GALNT8: variants seen among roughly 807,000 people sequenced by gnomAD.
The protein encoded by GALNT8 is polypeptide N-acetylgalactosaminyltransferase 8, also known as probable polypeptide N-acetylgalactosaminyltransferase 8.
GALNT8 carries 66 observed loss-of-function variants against 62.7 expected under a neutral mutation model. That is an observed-to-expected ratio of 1.05 (90% CI 0.86 to 1.29). The LOEUF is 1.29. Ranked by LOEUF, GALNT8 falls within the 50% of genes most tolerant of loss-of-function variation. The probability of loss-of-function intolerance (pLI) is 0.00; values close to 1 mark genes in which losing one functional copy is unlikely to be tolerated. For synonymous variants in GALNT8, 288 were observed against 294.3 expected, an observed-to-expected ratio of 0.98 and a Z score of 0.22; for missense variants, 771 against 791.8, an observed-to-expected ratio of 0.97 and a Z score of 0.32.
At chr12:4,734,176 C>T (rs530412721) in intron 2 of GALNT8, among the ~76,000 whole-genome samples, 4 of 152,300 alleles carry the variant, frequency 2.6e-5, no homozygotes, top group Admixed American at 6.5e-5. Context: ...ACTACTGCTA[C>T]TAACCACCAC....
chr12:4,744,701 G>A lies in GALNT8; in HGVS notation c.860+1G>A. On this transcript the variant is annotated splice_donor_variant, in intron 4 of 10. Coordinates refer to ENST00000252318, the MANE Select transcript of GALNT8 (RefSeq NM_017417.2). LOFTEE classifies it high-confidence loss of function. ...CTCACATTGAAGTCAATGTTGGGTG[G>A]TAAGGCTCAAAGAGGCTAGTTCTTC... The A allele has an allele frequency of 6.2e-7, 1 of 1,605,164 alleles. No individual in the cohort carries two copies. The highest frequency in any genetic ancestry group is 8.5e-7 in the Non-Finnish European group (1 of 1,174,372).
Position 4,746,204 on chromosome 12 carries a change from T to C in GALNT8, c.1119T>C (p.Ser373=). Residue 373 remains serine (S), a synonymous_variant, in exon 6 of 11, where the codon TCT becomes TCC. Coordinates refer to ENST00000252318, the MANE Select transcript of GALNT8 (RefSeq NM_017417.2). ...GGCACTTCCTGGGAGAGATCGGGTC[T>C]CTGGATGGTGGAATGCTCATCTATG... is the stretch of plus-strand genomic sequence containing the variant. ...ANRHFLGEIG[S]LDGGMLIYGG... is the part of the protein sequence containing the mutation. 3 of 1,613,576 alleles carry C rather than the reference T, an allele frequency of 1.9e-6. No individual in the cohort carries two copies. In the South Asian group the frequency reaches 3.3e-5, roughly 18 times the overall value.
At chr12:4,767,683 T>A (rs1246373345) in intron 10 of GALNT8, among the ~76,000 whole-genome samples, 1 of 152,244 alleles carries the variant, frequency 6.6e-6, no homozygotes, top group Non-Finnish European at 1.5e-5. Flanking sequence ...AAGCACAGCA[T>A]GTCTGAGCAT....
intron 6 of GALNT8, among the ~76,000 whole-genome samples, chr12:4,756,747 C>A (rs1946346827): frequency 6.6e-6 from 1 of 152,168 alleles, no homozygotes; most frequent in Non-Finnish European, 1.5e-5. Flanking sequence ...CCAGTAAGGA[C>A]CCACTCAGGA....
At chr12:4,771,726 C>T (rs1022004997) in intron 10 of GALNT8, among the ~76,000 whole-genome samples, 2 of 151,912 alleles carry the variant, frequency 1.3e-5, no homozygotes, top group East Asian at 1.9e-4. Flanking sequence ...GGAGAGGGAA[C>T]GTGGGAGAGA....
intron 10 of GALNT8, chr12:4,768,443 C>A: frequency 2.7e-6 from 1 of 370,744 alleles, no homozygotes. Context: ...TGATAACAGC[C>A]TACCATTACT....
intron 8 of GALNT8, among the ~76,000 whole-genome samples, 175 bp downstream of exon 8, chr12:4,763,565 A>C (rs995142130): frequency 6.6e-6 from 1 of 151,314 alleles, no homozygotes; most frequent in Non-Finnish European, 1.5e-5. Context: ...CCCGATCCCC[A>C]TCTCTTTTCC....
intron 2 of GALNT8, among the ~76,000 whole-genome samples, chr12:4,738,726 A>G (rs1946256850): frequency 6.6e-6 from 1 of 152,134 alleles, no homozygotes; most frequent in African/African-American, 2.4e-5. Flanking sequence ...TGCCTACCAT[A>G]TGGTAAGCAT....
intron 6 of GALNT8, among the ~76,000 whole-genome samples, chr12:4,751,150 G>A (rs923887073): frequency 1.3e-5 from 2 of 152,222 alleles, no homozygotes; most frequent in Middle Eastern, 3.4e-3. Context: ...AAACTTAAAT[G>A]TAAAACTCAA....
intron 1 of GALNT8, among the ~76,000 whole-genome samples, chr12:4,721,289 A>G (rs559835368): frequency 6.6e-6 from 1 of 152,188 alleles, no homozygotes; most frequent in African/African-American, 2.4e-5. Context: ...GGAACGAGAG[A>G]CTTTGGAAGA....
At position 4,720,670 on chromosome 12, in the gene GALNT8, GGAA is replaced by G; in HGVS notation, c.-2_1del. 6.3e-7 allele frequency: 1 copy of G among 1,592,514 alleles called. No individual in the cohort carries two copies. The highest frequency in any genetic ancestry group is 2.2e-5 in the East Asian group (1 of 44,788). On this transcript the variant is annotated 5_prime_UTR_variant, in exon 1 of 11. Transcript: ENST00000252318. ...TCCCACAGGGAGTGGACGACCCCCA[GGAA>G]GAAGATGATGTTTTGGAGGAAACTC...
chr12:4,725,553 CTTT>C (rs747460695), intron 1 of GALNT8, among the ~76,000 whole-genome samples: 5 of 119,664 alleles, frequency 4.2e-5, no homozygotes, highest in Non-Finnish European at 3.4e-5. Flanking sequence ...TGAAGACATT[CTTT>C]TTTTTTTTTT....
chr12:4,765,323 G>A (rs1946394165), intron 9 of GALNT8, 56 bp from the exon 10 acceptor site: 3 of 1,444,918 alleles, frequency 2.1e-6, no homozygotes, highest in Non-Finnish European at 2.7e-6. Context: ...GTCTCCTGCT[G>A]GCTGACAATG....
intron 1 of GALNT8, among the ~76,000 whole-genome samples, chr12:4,723,920 G>A (rs1474398460): frequency 6.6e-6 from 1 of 151,968 alleles, no homozygotes; most frequent in Non-Finnish European, 1.5e-5. Flanking sequence ...GAAGGCCGAG[G>A]CGGGTGGATC....
intron 6 of GALNT8, among the ~76,000 whole-genome samples, chr12:4,748,893 A>G (rs1294533036): frequency 1.3e-5 from 2 of 152,194 alleles, no homozygotes; most frequent in African/African-American, 4.8e-5. Flanking sequence ...AATGTTTTTC[A>G]TCAGGGTTTT....
At chr12:4,747,816 T>TA (rs1373965180) in intron 6 of GALNT8, among the ~76,000 whole-genome samples, 1 of 152,166 alleles carries the variant, frequency 6.6e-6, no homozygotes, top group Non-Finnish European at 1.5e-5. Context: ...ATAGTGGTTG[T>TA]ACTAATCTAC....
chr12:4,765,067 T>C (rs904582531), intron 9 of GALNT8, among the ~76,000 whole-genome samples: 2 of 152,292 alleles, frequency 1.3e-5, no homozygotes, highest in African/African-American at 4.8e-5. Context: ...AACCCATAGC[T>C]GAGGCCTGCA....
intron 2 of GALNT8, among the ~76,000 whole-genome samples, chr12:4,729,951 T>G (rs1343152543): frequency 6.6e-6 from 1 of 152,230 alleles, no homozygotes; most frequent in Non-Finnish European, 1.5e-5. Flanking sequence ...CAATGTGAGT[T>G]TAATTTGCAT....
At chr12:4,720,945 C>A in intron 1 of GALNT8, 57 bp downstream of exon 1, 1 of 1,097,826 alleles carries the variant, frequency 9.1e-7, no homozygotes, top group Non-Finnish European at 1.4e-6. Flanking sequence ...GTTTGGGGCA[C>A]TTAGGAAAAA....
Sources: gnomAD v4.1 joint callset for allele counts (sites outside exome capture counted in the v4.1 genomes callset) on GRCh38, gnomAD v4.1.1 for gene constraint, MANE v1.5 for transcripts, NCBI Gene and HGNC (gene_info 2026-07-23, HGNC 2026-07-21) for gene names.